AUTS2: variants seen among roughly 807,000 people sequenced by gnomAD.
AUTS2 encodes the protein autism susceptibility gene 2 protein.
Under a neutral mutation model 112.4 loss-of-function variants are expected in AUTS2, and 17 were observed. The ratio of observed to expected loss-of-function variants is 0.15; its 90% confidence interval spans 0.10 to 0.23. The LOEUF (loss-of-function observed/expected upper bound fraction) is 0.23. Among genes scored for constraint, AUTS2 ranks in the 10% least tolerant of loss-of-function variants. The pLI is 1.00. For synonymous variants in AUTS2, 751 were observed against 702.7 expected (o/e 1.07, Z -1.09); for missense variants, 1,510 against 1,701.6 (o/e 0.89, Z 1.98).
chr7:70,411,598 A>G (rs1382237477), intron 4 of AUTS2, among the ~76,000 whole-genome samples: 1 of 152,200 alleles, frequency 6.6e-6, no homozygotes, highest in East Asian at 1.9e-4. Context: ...TAATCAGAAA[A>G]GTTTTAACAT....
At chr7:70,422,427 G>C (rs4718951) in intron 4 of AUTS2, among the ~76,000 whole-genome samples, 149,424 of 152,244 alleles carry the variant, frequency 0.98, 73,397 homozygotes, top group East Asian at 1. Flanking sequence ...ACCTTAAGAT[G>C]TGATTTCTTC....
At chr7:70,151,538 A>C (rs187629497) in intron 4 of AUTS2, among the ~76,000 whole-genome samples, 1 of 152,124 alleles carries the variant, frequency 6.6e-6, no homozygotes, top group Admixed American at 6.5e-5. Context: ...CAATGGTACT[A>C]TTGTGGCCCA....
chr7:70,579,303 CT>C (rs1585326280), intron 5 of AUTS2, among the ~76,000 whole-genome samples: 1 of 130,236 alleles, frequency 7.7e-6, no homozygotes. Flanking sequence ...AGTTAGGCAG[CT>C]TTGCTATCTC....
chr7:69,691,232 C>T (rs112896747), intron 1 of AUTS2, among the ~76,000 whole-genome samples: 3 of 152,308 alleles, frequency 2.0e-5, no homozygotes, highest in African/African-American at 7.2e-5. Context: ...CGGACTCCAG[C>T]TGGAACTGGC....
At chr7:69,607,075 G>A (rs547393012) in intron 1 of AUTS2, among the ~76,000 whole-genome samples, 5 of 152,328 alleles carry the variant, frequency 3.3e-5, no homozygotes, top group Non-Finnish European at 5.9e-5. Flanking sequence ...TTAGTATGAG[G>A]AGGGGAGGAG....
intron 1 of AUTS2, among the ~76,000 whole-genome samples, chr7:69,856,267 T>C (rs777014265): frequency 1.3e-5 from 2 of 152,084 alleles, no homozygotes; most frequent in African/African-American, 2.4e-5. Flanking sequence ...GTCTTGGGAC[T>C]CCTTCCTTCA....
intron 4 of AUTS2, among the ~76,000 whole-genome samples, chr7:70,182,557 T>G (rs544652125): frequency 5.3e-5 from 8 of 152,182 alleles, no homozygotes; most frequent in Non-Finnish European, 1.2e-4. Flanking sequence ...GAATGGATCA[T>G]TTGGTTCTCA....
chr7:69,781,399 C>T (rs1789138130), intron 1 of AUTS2, among the ~76,000 whole-genome samples: 1 of 152,282 alleles, frequency 6.6e-6, no homozygotes, highest in South Asian at 2.1e-4. Flanking sequence ...CAAGAAGGAG[C>T]GCTCAGCAGC....
At chr7:70,033,215 A>AT (rs920361935) in intron 2 of AUTS2, among the ~76,000 whole-genome samples, 3 of 152,184 alleles carry the variant, frequency 2.0e-5, no homozygotes, top group Non-Finnish European at 4.4e-5. Context: ...TAAAGCTATT[A>AT]TTTTTTTAAA....
intron 3 of AUTS2, among the ~76,000 whole-genome samples, chr7:70,124,267 T>A (rs1480358037): frequency 2.0e-5 from 3 of 152,214 alleles, no homozygotes; most frequent in Admixed American, 6.5e-5. Context: ...CTTTGTCAGA[T>A]GCATAGTTTG....
At chr7:70,660,114 T>C (rs944981810) in intron 5 of AUTS2, among the ~76,000 whole-genome samples, 2 of 151,470 alleles carry the variant, frequency 1.3e-5, no homozygotes, top group Non-Finnish European at 2.9e-5. Context: ...GAGGCAGAGG[T>C]TGCAGTGAGC....
At chr7:69,618,369 C>T (rs1793488684) in intron 1 of AUTS2, among the ~76,000 whole-genome samples, 1 of 152,186 alleles carries the variant, frequency 6.6e-6, no homozygotes, top group African/African-American at 2.4e-5. Flanking sequence ...TCAGTACTGG[C>T]AACTTTGCTG....
intron 2 of AUTS2, among the ~76,000 whole-genome samples, chr7:69,943,353 G>C (rs576192535): frequency 6.6e-6 from 1 of 152,260 alleles, no homozygotes; most frequent in Admixed American, 6.5e-5. Context: ...CATTCTGTCA[G>C]CTTCAAATGG....
intron 4 of AUTS2, among the ~76,000 whole-genome samples, chr7:70,340,435 C>T (rs939312538): frequency 6.6e-6 from 1 of 152,062 alleles, no homozygotes; most frequent in African/African-American, 2.4e-5. Context: ...ATTTATTTCA[C>T]ACTCTTCACA....
intron 4 of AUTS2, among the ~76,000 whole-genome samples, chr7:70,330,524 A>G (rs1260927409): frequency 1.3e-5 from 2 of 152,082 alleles, no homozygotes; most frequent in Admixed American, 6.5e-5. Context: ...TTTGATTACT[A>G]TAGGTTTGTA....
At chr7:70,254,255 A>C (rs1786745578) in intron 4 of AUTS2, among the ~76,000 whole-genome samples, 1 of 152,226 alleles carries the variant, frequency 6.6e-6, no homozygotes, top group African/African-American at 2.4e-5. Context: ...TACTCTAAAA[A>C]TCAAGTAATT....
chr7:70,507,623 C>G (rs1407654604), intron 5 of AUTS2, among the ~76,000 whole-genome samples: 1 of 151,770 alleles, frequency 6.6e-6, no homozygotes, highest in Non-Finnish European at 1.5e-5. Flanking sequence ...ATGGTGAAAC[C>G]CTGTCTCTAC....
chr7:69,653,163 GC>G (rs1795370288), intron 1 of AUTS2, among the ~76,000 whole-genome samples: 1 of 152,158 alleles, frequency 6.6e-6, no homozygotes, highest in South Asian at 2.1e-4. Context: ...CTTCATGTGG[GC>G]TTGCTGGCTC....
chr7:70,411,519 T>C lies in AUTS2; in HGVS notation c.661-24233T>C, dbSNP rs540257460. Among the ~76,000 whole-genome samples the C allele has an allele frequency of 9.8e-5, 15 of 152,288 alleles. No individual in the cohort carries two copies. The East Asian group carries it at 2.9e-3, about 29-fold the overall frequency. ...AAGGGCACAGCATAGGTAAACACAC[T>C]TTATCAAGTACTGTGATACTGGGAT... On this transcript the variant is annotated intron_variant, in intron 4 of 18. Coordinates refer to ENST00000342771, the MANE Select transcript of AUTS2 (RefSeq NM_015570.4).
Sources: gnomAD v4.1 joint callset for allele counts (sites outside exome capture counted in the v4.1 genomes callset) on GRCh38, gnomAD v4.1.1 for gene constraint, MANE v1.5 for transcripts, NCBI Gene and HGNC (gene_info 2026-07-23, HGNC 2026-07-21) for gene names.